The following ANGEL2 variants were observed in gnomAD, a reference collection of about 807,000 sequenced individuals.
ANGEL2 encodes angel homolog 2.
Under a neutral mutation model 66.0 loss-of-function variants are expected in ANGEL2, and 41 were observed. The ratio of observed to expected loss-of-function variants is 0.62; its 90% CI spans 0.48 to 0.81. The LOEUF is 0.81. ANGEL2 is among the 30% of genes least tolerant of loss of function. ANGEL2 has a pLI of 0.00. For missense variants in ANGEL2, 561 were observed against 641.6 expected, an observed-to-expected ratio of 0.87 and a Z score of 1.36; for synonymous variants, 208 against 226.5, an observed-to-expected ratio of 0.92 and a Z score of 0.73.
intron 5 of ANGEL2, among the ~76,000 whole-genome samples, chr1:213,003,240 T>C (rs577884967): frequency 1.3e-5 from 2 of 152,358 alleles, no homozygotes; most frequent in East Asian, 3.9e-4. Context: ...GCTTTCTCCA[T>C]ATTAGCAATA....
At chr1:213,011,188 C>G in intron 2 of ANGEL2, 3 of 1,288,888 alleles carry the variant, frequency 2.3e-6, no homozygotes, top group Non-Finnish European at 3.0e-6. Context: ...CATAAATTCA[C>G]ACTACAAAAG....
chr1:213,009,032 C>T (rs983469587), intron 2 of ANGEL2, among the ~76,000 whole-genome samples: 2 of 152,184 alleles, frequency 1.3e-5, no homozygotes, highest in African/African-American at 4.8e-5. Context: ...TGAAGTGGAA[C>T]ATGCAAACAA....
chr1:212,998,805 C>T (rs1367127522), intron 7 of ANGEL2, among the ~76,000 whole-genome samples: 6 of 152,072 alleles, frequency 3.9e-5, no homozygotes, highest in Admixed American at 1.3e-4. Context: ...GGATTACAGG[C>T]GTGAGCCACC....
chr1:212,993,585 T>C lies in ANGEL2; in HGVS notation c.*1456A>G, dbSNP rs1405532784. The C allele has an allele frequency of 2.0e-5, 3 of 152,352 alleles. No homozygotes were observed. The highest frequency in any genetic ancestry group is 4.4e-5 in the Non-Finnish European group (3 of 68,034). The allele number at this position is 152,352 out of a possible 1,614,324, so 9.4% of individuals were successfully genotyped here. Reference sequence around the variant, plus strand: ...AATTACTACTTAGTAAAAATGCATATAATTCCTTGTTCCTACTGTCTACAA... The same window carrying C: ...AATTACTACTTAGTAAAAATGCATACAATTCCTTGTTCCTACTGTCTACAA... On this transcript the variant is annotated 3_prime_UTR_variant, in exon 9 of 9. Transcript: ENST00000366962.
chr1:212,996,890 A>T (rs1047348788), intron 8 of ANGEL2, among the ~76,000 whole-genome samples: 11 of 152,006 alleles, frequency 7.2e-5, no homozygotes, highest in African/African-American at 2.4e-4. Flanking sequence ...AAGACCTATA[A>T]CTCAGAGGCT....
At chr1:213,001,610 T>C (rs1320630062) in intron 5 of ANGEL2, 1 of 152,236 alleles carries the variant, frequency 6.6e-6, no homozygotes, top group East Asian at 1.9e-4. Flanking sequence ...CATTGATGCT[T>C]CCTTTCATAA....
rs115506736 is a variant in ANGEL2 at position 212,995,539 on chromosome 1, G to A, written c.1484-347C>T. ...GTAGTTGCATAAAGCCAGAGACACCGGGCCACAGCCCTGTAGCAGTTTATA... is the reference window on the plus strand; with the variant it reads ...GTAGTTGCATAAAGCCAGAGACACCAGGCCACAGCCCTGTAGCAGTTTATA... On this transcript the variant is annotated intron_variant, in intron 8 of 8. Transcript: ENST00000366962. Among the ~76,000 whole-genome samples the A allele has an allele frequency of 2.1e-3, 316 of 152,262 alleles. 4 individuals carry two copies. Among genetic ancestry groups the A allele is most frequent in the African/African-American group, 7.3e-3 (304 of 41,542 alleles).
At chr1:213,004,342 A>C (rs982991916) in intron 5 of ANGEL2, among the ~76,000 whole-genome samples, 5 of 152,228 alleles carry the variant, frequency 3.3e-5, no homozygotes, top group Non-Finnish European at 7.3e-5. Context: ...AAATTGTGCT[A>C]AGCTAAAGAA....
At chr1:213,002,507 A>G (rs1421142907) in intron 5 of ANGEL2, among the ~76,000 whole-genome samples, 2 of 152,220 alleles carry the variant, frequency 1.3e-5, no homozygotes, top group Non-Finnish European at 2.9e-5. Flanking sequence ...GTAACAAGCT[A>G]TATTAGCTCC....
At chr1:212,999,468 AT>A (rs936081546) in intron 7 of ANGEL2, among the ~76,000 whole-genome samples, 1 of 152,200 alleles carries the variant, frequency 6.6e-6, no homozygotes, top group Non-Finnish European at 1.5e-5. Context: ...CATTTAAAAA[AT>A]TTTTTTAAAA....
intron 2 of ANGEL2, 123 bp from the exon 3 acceptor site, chr1:213,008,589 T>C: frequency 8.4e-7 from 1 of 1,187,458 alleles, no homozygotes; most frequent in South Asian, 1.6e-5. Flanking sequence ...TGTTTTTCCC[T>C]AGGAAGTGGC....
chr1:213,003,057 G>A (rs149266028), intron 5 of ANGEL2, among the ~76,000 whole-genome samples: 142 of 152,000 alleles, frequency 9.3e-4, no homozygotes, highest in Middle Eastern at 3.4e-3. Context: ...TATGGAGATG[G>A]CTTCATTCTT....
In ANGEL2 at chr1:213,008,277, C is replaced by T. The variant is rs140064007; in HGVS notation, c.575G>A (p.Arg192Gln). The T allele has an allele frequency of 2.2e-4, 359 of 1,613,760 alleles. No individual in the cohort carries two copies. Among genetic ancestry groups the T allele is most frequent in the Middle Eastern group, 3.3e-4 (2 of 6,082 alleles). The change falls in exon 3 of 9, where the codon CGG becomes CAG. Residue 192 changes from arginine (R) to glutamine (Q), a missense_variant. Transcript: ENST00000366962. ...CCTAAAACTCCAGTGTAATACTGGC[C>T]GCCGGCAATGTCTATAAAGGTGAGA... ...DNSHLYRHCR[R>Q]PVLHWSFRFP...
rs1052506247 is a variant in ANGEL2, at chr1:213,011,157, T to TCA, written c.385+1935_385+1936insTG. The TCA allele has an allele frequency of 3.5e-5, 45 of 1,279,418 alleles. No individual in the cohort carries two copies. The African/African-American group carries it at 5.3e-4, about 15-fold the overall frequency. The allele number at this position is 1,279,418 out of a possible 1,614,324, so 79.3% of individuals were successfully genotyped here. On this transcript the variant is annotated intron_variant, in intron 2 of 8. Transcript: ENST00000366962. The stretch of plus-strand genomic sequence containing the variant: ...ACCACTGATAAGAGTGGATAGTCTC[T>TCA]GGCCTTCATATGCTTCACAACATAA...
rs1179760330 is a variant in ANGEL2 at position 213,007,164 on chromosome 1, T to C, written c.677A>G (p.Tyr226Cys). The C allele has an allele frequency of 6.3e-7, 1 of 1,597,940 alleles. No homozygotes were observed. The highest frequency in any genetic ancestry group is 2.3e-5 in the East Asian group (1 of 44,256). ...LCLQEVQEDHYGAEIRPSLES... is the reference protein window; with the variant it reads ...LCLQEVQEDHCGAEIRPSLES... ...CAAACTTGGCCTGATCTCTGCTCCA[T>C]AATGATCTTCTTGAACTTCTTGCAA... The change falls in exon 4 of 9, where the codon TAT becomes TGT. Residue 226 changes from tyrosine (Y) to cysteine (C), a missense_variant. Transcript: ENST00000366962.
At position 213,012,813 on chromosome 1, in the gene ANGEL2, TA is replaced by T. The variant is rs2076541913; in HGVS notation, c.385+279del. Among the ~76,000 whole-genome samples the T allele has an allele frequency of 1.3e-5, 2 of 152,228 alleles. 1 individual carries two copies. The highest frequency in any genetic ancestry group is 4.1e-4 in the South Asian group (2 of 4,836). On this transcript the variant is annotated intron_variant, in intron 2 of 8. Coordinates refer to ENST00000366962, the MANE Select transcript of ANGEL2 (RefSeq NM_144567.5). ...ATTGGATTTAAAAATTATCCTTAAATAAAACTTACTTTTGTAATCTATTTCT... is the reference window on the plus strand; with the variant it reads ...ATTGGATTTAAAAATTATCCTTAAATAAACTTACTTTTGTAATCTATTTCT...
chr1:212,998,903 G>A (rs1350016922), intron 7 of ANGEL2, among the ~76,000 whole-genome samples: 3 of 149,556 alleles, frequency 2.0e-5, no homozygotes, highest in Non-Finnish European at 4.5e-5. Context: ...TTATTGAGAC[G>A]GAGGCTTGCT....
intron 7 of ANGEL2, among the ~76,000 whole-genome samples, chr1:212,999,087 T>G (rs951819460): frequency 6.6e-6 from 1 of 151,560 alleles, no homozygotes; most frequent in Non-Finnish European, 1.5e-5. Flanking sequence ...TTGGCCAGAC[T>G]GCTCTTGAAC....
At position 212,994,962 on chromosome 1, in the gene ANGEL2, C is replaced by A. The variant is rs1424644407; in HGVS notation, c.*79G>T. ...ATCTCCACAGTGCAAAAATAAACAA[C>A]ATGCATACACTTAAGAACTTTACAT... On this transcript the variant is annotated 3_prime_UTR_variant, in exon 9 of 9. Coordinates refer to ENST00000366962, the MANE Select transcript of ANGEL2 (RefSeq NM_144567.5). 3 of 1,314,556 alleles carry A rather than the reference C, an allele frequency of 2.3e-6. No individual in the cohort carries two copies. In the African/African-American group the frequency reaches 4.5e-5, roughly 20 times the overall value. The allele number at this position is 1,314,556 out of a possible 1,614,324, so 81.4% of individuals were successfully genotyped here. A position where few individuals can be genotyped will look rare whatever the true frequency, so the allele number is the denominator to read the frequency against.
Sources: allele counts gnomAD v4.1 joint callset (sites outside exome capture counted in the v4.1 genomes callset), GRCh38; gene constraint gnomAD v4.1.1; transcripts MANE v1.5; gene names NCBI Gene and HGNC (gene_info 2026-07-23, HGNC 2026-07-21).